SPON1: variants seen among roughly 807,000 people sequenced by gnomAD.
SPON1 encodes the protein spondin 1, also known as spondin-1.
Under a neutral mutation model 111.7 loss-of-function variants are expected in SPON1, and 52 were observed. The observed-to-expected ratio is 0.47, with a 90% CI of 0.37 to 0.59. The LOEUF (loss-of-function observed/expected upper bound fraction) is 0.59, where lower values mean the gene tolerates loss of function less well. Ranked by LOEUF, SPON1 falls within the 20% of genes least tolerant of loss-of-function variation. SPON1 has a pLI of 0.00. For missense variants in SPON1, 957 were observed against 1,068.5 expected, an observed-to-expected ratio of 0.90 and a Z score of 1.46; for synonymous variants, 410 against 395.8, an observed-to-expected ratio of 1.04 and a Z score of -0.43.
intron 6 of SPON1, among the ~76,000 whole-genome samples, chr11:14,224,526 G>C (rs1848716154): frequency 6.6e-6 from 1 of 152,156 alleles, no homozygotes; most frequent in Non-Finnish European, 1.5e-5. Context: ...TGGTTCCTTT[G>C]CTTATTAGCT....
At chr11:14,240,590 T>TGC (rs1491262625) in intron 6 of SPON1, among the ~76,000 whole-genome samples, 1 of 2,942 alleles carries the variant, frequency 3.4e-4, no homozygotes, top group African/African-American at 1.3e-3. Context: ...GAAGCAATAT[T>TGC]GTGTGTGTGT....
intron 6 of SPON1, among the ~76,000 whole-genome samples, chr11:14,141,363 T>G (rs1014243874): frequency 1.3e-5 from 2 of 152,228 alleles, no homozygotes; most frequent in Non-Finnish European, 2.9e-5. Context: ...AACAAATATC[T>G]GAATTGATGA....
intron 6 of SPON1, among the ~76,000 whole-genome samples, chr11:14,158,124 G>T (rs1554930569): frequency 4.6e-5 from 7 of 152,098 alleles, no homozygotes. Context: ...TCTTCTAGCA[G>T]GCAGTTGGAG....
chr11:14,020,663 G>A (rs1427791283), intron 2 of SPON1, among the ~76,000 whole-genome samples: 1 of 152,164 alleles, frequency 6.6e-6, no homozygotes, highest in Admixed American at 6.6e-5. Context: ...AAAAAGAGGG[G>A]TGATTGATCT....
rs192147918 is a variant in SPON1, at chr11:14,086,698, T to C, written c.676+6677T>C. ...GGAGGAGTTCGTCTTTTTCTGTTGTTTGGAATAGTTTCAGAAGGAATGGTA... is the reference window on the plus strand; with the variant it reads ...GGAGGAGTTCGTCTTTTTCTGTTGTCTGGAATAGTTTCAGAAGGAATGGTA... On this transcript the variant is annotated intron_variant, in intron 5 of 15. Transcript: ENST00000576479. 5.3e-5 allele frequency among the ~76,000 whole-genome samples: 8 copies of C among 152,330 alleles called. No individual in the cohort carries two copies. In the East Asian group the frequency reaches 1.5e-3, roughly 29 times the overall value.
intron 3 of SPON1, among the ~76,000 whole-genome samples, chr11:14,057,073 C>T (rs1464858934): frequency 6.6e-6 from 1 of 151,936 alleles, no homozygotes; most frequent in African/African-American, 2.4e-5. Context: ...ACCAGTTAAA[C>T]AAGTGGATGG....
chr11:14,004,567 C>T (rs1848344731), intron 2 of SPON1, among the ~76,000 whole-genome samples: 1 of 152,140 alleles, frequency 6.6e-6, no homozygotes, highest in East Asian at 1.9e-4. Flanking sequence ...TTTTAATTTG[C>T]ATTTCCCTGA....
At chr11:14,025,646 T>TA (rs1848512196) in intron 2 of SPON1, among the ~76,000 whole-genome samples, 1 of 151,982 alleles carries the variant, frequency 6.6e-6, no homozygotes, top group African/African-American at 2.4e-5. Flanking sequence ...GAGGCAAAGA[T>TA]AAAGGGTCAT....
chr11:14,056,510 AT>A (rs1848745531), intron 3 of SPON1, among the ~76,000 whole-genome samples: 1 of 152,174 alleles, frequency 6.6e-6, no homozygotes, highest in Non-Finnish European at 1.5e-5. Context: ...GCCACTTCCC[AT>A]AAAGAATATG....
chr11:14,075,040 A>G (rs1381757187), intron 3 of SPON1, among the ~76,000 whole-genome samples: 7 of 152,220 alleles, frequency 4.6e-5, no homozygotes, highest in African/African-American at 1.7e-4. Context: ...AAAGTTATTA[A>G]AATACTGTTA....
chr11:14,085,408 T>A (rs1848998417), intron 5 of SPON1, among the ~76,000 whole-genome samples: 1 of 152,212 alleles, frequency 6.6e-6, no homozygotes, highest in African/African-American at 2.4e-5. Flanking sequence ...TAGAGAATCC[T>A]TTCCCCACTG....
At chr11:13,990,373 CTTT>C (rs1159719282) in intron 2 of SPON1, among the ~76,000 whole-genome samples, 25 of 21,674 alleles carry the variant, frequency 1.2e-3, no homozygotes, top group South Asian at 2.5e-3. Flanking sequence ...GCAACTCCTG[CTTT>C]TTTTTTTTTT....
At chr11:14,011,696 G>A (rs11601790) in intron 2 of SPON1, among the ~76,000 whole-genome samples, 19,261 of 152,162 alleles carry the variant, frequency 0.13, 1,383 homozygotes, top group African/African-American at 0.17. Flanking sequence ...GTAGAGGGAG[G>A]GGAGTGAGGG....
At chr11:14,207,176 T>C (rs1395243141) in intron 6 of SPON1, among the ~76,000 whole-genome samples, 2 of 152,230 alleles carry the variant, frequency 1.3e-5, no homozygotes, top group African/African-American at 2.4e-5. Context: ...GATAATTGGA[T>C]AGCCATATGC....
chr11:14,133,586 G>GT (rs1489362882), intron 5 of SPON1, among the ~76,000 whole-genome samples: 3 of 152,180 alleles, frequency 2.0e-5, no homozygotes, highest in Non-Finnish European at 4.4e-5. Flanking sequence ...AGAACAAGGA[G>GT]TATTTTGGTG....
At chr11:14,246,807 T>C (rs545845509) in intron 7 of SPON1, among the ~76,000 whole-genome samples, 2 of 152,266 alleles carry the variant, frequency 1.3e-5, no homozygotes, top group East Asian at 3.9e-4. Context: ...GTGACATGTC[T>C]ATGAAGGAAA....
At chr11:14,159,610 A>G (rs1430277080) in intron 6 of SPON1, among the ~76,000 whole-genome samples, 1 of 152,142 alleles carries the variant, frequency 6.6e-6, no homozygotes, top group African/African-American at 2.4e-5. Context: ...ACTGTTCACA[A>G]TAGCCGCAAT....
intron 3 of SPON1, among the ~76,000 whole-genome samples, chr11:14,054,921 C>G (rs1321930008): frequency 6.6e-6 from 1 of 152,218 alleles, no homozygotes; most frequent in African/African-American, 2.4e-5. Context: ...ACATCTGTAG[C>G]TCCACGTAGA....
intron 6 of SPON1, among the ~76,000 whole-genome samples, chr11:14,241,981 G>T (rs574041008): frequency 6.6e-6 from 1 of 151,988 alleles, no homozygotes; most frequent in African/African-American, 2.4e-5. Context: ...GCTCACCGCC[G>T]CTGCCCTGTC....
Sources: gnomAD v4.1 joint callset for allele counts (sites outside exome capture counted in the v4.1 genomes callset) on GRCh38, gnomAD v4.1.1 for gene constraint, MANE v1.5 for transcripts, NCBI Gene and HGNC (gene_info 2026-07-23, HGNC 2026-07-21) for gene names.